ZC3H13: variants seen among roughly 807,000 people sequenced by gnomAD.
ZC3H13 encodes the protein zinc finger CCCH-type containing 13, also known as zinc finger CCCH domain-containing protein 13.
In ZC3H13, 64 loss-of-function variants were observed where a neutral mutation model predicts 204.1. The ratio of observed to expected loss-of-function variants is 0.31; its 90% CI spans 0.26 to 0.39. The LOEUF is 0.39. Ranked by LOEUF, ZC3H13 falls within the 10% of genes least tolerant of loss-of-function variation. The pLI, the probability that ZC3H13 is intolerant of heterozygous loss-of-function variation, is 1.00. For missense variants in ZC3H13, 1,833 were observed against 2,082.7 expected, an observed-to-expected ratio of 0.88 and a Z score of 2.33; for synonymous variants, 667 against 693.7, an observed-to-expected ratio of 0.96 and a Z score of 0.60.
At chr13:45,962,198 T>C (rs1951739840) in intron 17 of ZC3H13, 1 of 985,256 alleles carries the variant, frequency 1.0e-6, no homozygotes, top group South Asian at 4.7e-5. Context: ...CAAGACAAAG[T>C]CTTTATTCAA....
intron 4 of ZC3H13, 105 bp from the exon 5 acceptor site, chr13:46,020,662 A>C: frequency 1.3e-6 from 1 of 758,880 alleles, no homozygotes; most frequent in Non-Finnish European, 2.0e-6. Flanking sequence ...CTGTTTCATC[A>C]AAGAATCAGT....
intron 5 of ZC3H13, 152 bp from the exon 6 acceptor site, chr13:46,011,706 A>AT: frequency 4.1e-6 from 2 of 487,676 alleles, no homozygotes; most frequent in Non-Finnish European, 6.6e-6. Flanking sequence ...AGAAATAGAT[A>AT]CCATTTCTAT....
intron 8 of ZC3H13, among the ~76,000 whole-genome samples, chr13:45,993,422 G>A (rs969398465): frequency 3.3e-5 from 5 of 152,166 alleles, no homozygotes; most frequent in African/African-American, 7.2e-5. Flanking sequence ...TGAGGCAAGA[G>A]CTTTAGGATC....
At chr13:45,968,583 T>A (rs1952291097) in intron 14 of ZC3H13, among the ~76,000 whole-genome samples, 165 bp downstream of exon 14, 2 of 152,180 alleles carry the variant, frequency 1.3e-5, no homozygotes, top group Admixed American at 1.3e-4. Context: ...ATTAATGTGA[T>A]AACAGGTAAC....
rs1373509636 is a variant in ZC3H13 at position 45,962,652 on chromosome 13, C to T, written c.4675+1190G>A. 4 of 979,916 alleles carry T rather than the reference C, an allele frequency of 4.1e-6. No individual in the cohort carries two copies. The African/African-American group carries it at 5.3e-5, about 13-fold the overall frequency. 60.7% of individuals were successfully genotyped at this position (979,916 alleles called of 1,614,324 possible). A position where few individuals can be genotyped will look rare whatever the true frequency, so the allele number is the denominator to read the frequency against. On this transcript the variant is annotated intron_variant, in intron 17 of 18. Coordinates refer to ENST00000679008, the MANE Select transcript of ZC3H13 (RefSeq NM_001330564.2). Reference sequence around the variant, plus strand: ...GGCTATATTAAAATAAAAAAATTTACTGCTTATGCTAATAGAGTAAAGGAA... The same window carrying T: ...GGCTATATTAAAATAAAAAAATTTATTGCTTATGCTAATAGAGTAAAGGAA...
In ZC3H13 at chr13:45,994,993, C is replaced by T. The variant is rs553694743; in HGVS notation, c.945-5896G>A. ...GTCACAGGAGCCAAAATTCTTCTTACGGTCATTTAACTATCAGTGAAAAAA... is the reference window on the plus strand; with the variant it reads ...GTCACAGGAGCCAAAATTCTTCTTATGGTCATTTAACTATCAGTGAAAAAA... On this transcript the variant is annotated intron_variant, in intron 8 of 18. Transcript: ENST00000679008. Among the ~76,000 whole-genome samples the T allele has an allele frequency of 1.2e-4, 17 of 139,040 alleles. 2 individuals carry two copies. The South Asian group carries it at 2.9e-3, about 24-fold the overall frequency. The allele number at this position is 139,040 out of a possible 152,430, so 91.2% of individuals were successfully genotyped here.
intron 8 of ZC3H13, among the ~76,000 whole-genome samples, chr13:45,989,895 A>G (rs993969224): frequency 2.6e-5 from 4 of 152,256 alleles, no homozygotes; most frequent in African/African-American, 9.6e-5. Flanking sequence ...AATGTTTAAA[A>G]TATAATATTC....
chr13:45,989,068 G>C lies in ZC3H13; in HGVS notation c.974C>G (p.Ser325Cys), dbSNP rs781590044. The change falls in exon 9 of 19, where the codon TCT becomes TGT. Residue 325 changes from serine (S) to cysteine (C), a missense_variant. Coordinates refer to ENST00000679008, the MANE Select transcript of ZC3H13 (RefSeq NM_001330564.2). ...RSTSPAGQHHSPISSRHHSSS... is the reference protein window; with the variant it reads ...RSTSPAGQHHCPISSRHHSSS... ...TGAGTGATGTCTAGAAGATATAGGA[G>C]AATGATGCTGTCCTGCTGGGGAAGT... is the stretch of plus-strand genomic sequence containing the variant. 6.2e-7 allele frequency: 1 copy of C among 1,614,070 alleles called. No individual in the cohort carries two copies. Among genetic ancestry groups the C allele is most frequent in the Admixed American group, 1.7e-5 (1 of 60,022 alleles).
intron 4 of ZC3H13, among the ~76,000 whole-genome samples, chr13:46,041,132 T>G (rs2043552977): frequency 6.6e-6 from 1 of 152,070 alleles, no homozygotes; most frequent in Non-Finnish European, 1.5e-5. Flanking sequence ...ACATAAATGT[T>G]CATAGCAGCA....
chr13:45,978,423 T>C (rs1168958196), intron 11 of ZC3H13, among the ~76,000 whole-genome samples: 1 of 152,096 alleles, frequency 6.6e-6, no homozygotes, highest in East Asian at 1.9e-4. Flanking sequence ...AATAGAGAAC[T>C]GAACTTCTGG....
chr13:46,031,791 G>C (rs1329048408), intron 4 of ZC3H13, among the ~76,000 whole-genome samples: 3 of 152,314 alleles, frequency 2.0e-5, no homozygotes, highest in Middle Eastern at 3.4e-3. Flanking sequence ...ATGCTGGCAG[G>C]ATGTGGAGCA....
intron 17 of ZC3H13, chr13:45,963,009 G>C: frequency 1.0e-6 from 1 of 985,220 alleles, no homozygotes; most frequent in Non-Finnish European, 1.2e-6. Flanking sequence ...AAAAATCAGC[G>C]TGATAGGATA....
At chr13:46,005,704 G>A (rs919736279) in intron 7 of ZC3H13, among the ~76,000 whole-genome samples, 2 of 152,070 alleles carry the variant, frequency 1.3e-5, no homozygotes, top group Non-Finnish European at 2.9e-5. Flanking sequence ...ATCCAGGCTG[G>A]TCTCAAACTC....
Position 45,970,405 on chromosome 13 carries a change from T to C in ZC3H13, c.2529A>G (p.Glu843=). Residue 843 remains glutamate, a synonymous_variant, in exon 13 of 19, where the codon GAA becomes GAG. Transcript: ENST00000679008. ...TGTAGGCATCACTGTCCGGAGAATG[T>C]TCACGCCGGCGCTTCGGGGACTGTC... ...SPRQSPKRRR[E]HSPDSDAYNS... 6.2e-7 allele frequency: 1 copy of C among 1,613,972 alleles called. No homozygotes were observed. The highest frequency in any genetic ancestry group is 8.5e-7 in the Non-Finnish European group (1 of 1,179,872).
Position 45,955,809 on chromosome 13 carries a change from G to A in ZC3H13, c.*1318C>T, listed in dbSNP as rs1432035267. On this transcript the variant is annotated 3_prime_UTR_variant, in exon 19 of 19. Coordinates refer to ENST00000679008, the MANE Select transcript of ZC3H13 (RefSeq NM_001330564.2). ...AAAGTAAGACCATTTCCTTTGGCAGGTATCTTGTATAAAGTAACTTTACAA... is the reference window on the plus strand; with the variant it reads ...AAAGTAAGACCATTTCCTTTGGCAGATATCTTGTATAAAGTAACTTTACAA... The A allele has an allele frequency of 6.6e-6, 1 of 152,040 alleles. No individual in the cohort carries two copies. Among genetic ancestry groups the A allele is most frequent in the Non-Finnish European group, 1.5e-5 (1 of 67,974 alleles). The allele number at this position is 152,040 out of a possible 1,614,324, so 9.4% of individuals were successfully genotyped here. A position where few individuals can be genotyped will look rare whatever the true frequency, so the allele number is the denominator to read the frequency against.
In ZC3H13 at chr13:45,997,564, T is replaced by C. The variant is rs548084684; in HGVS notation, c.944+5575A>G. On this transcript the variant is annotated intron_variant, in intron 8 of 18. Coordinates refer to ENST00000679008, the MANE Select transcript of ZC3H13 (RefSeq NM_001330564.2). ...CACCTGATACAGAACGTTGGACAAC[T>C]GAGACACAATTATTATCTATTATGA... Among the ~76,000 whole-genome samples, 198 of 152,308 alleles carry C rather than the reference T, an allele frequency of 1.3e-3. 2 individuals are homozygous for C. The highest frequency in any genetic ancestry group is 3.7e-3 in the Admixed American group (57 of 15,300).
chr13:45,983,660 C>T (rs905016953), intron 10 of ZC3H13, among the ~76,000 whole-genome samples: 7 of 150,952 alleles, frequency 4.6e-5, no homozygotes, highest in Non-Finnish European at 5.9e-5. Flanking sequence ...ATCTCCTGAC[C>T]TCGTGATCCG....
chr13:45,962,377 A>G (rs1171906435), intron 17 of ZC3H13: 1 of 985,318 alleles, frequency 1.0e-6, no homozygotes, highest in East Asian at 1.1e-4. Context: ...ATCAAACCAG[A>G]TTTTAACTTG....
Position 46,020,016 on chromosome 13 carries a change from T to C in ZC3H13, c.448+433A>G, listed in dbSNP as rs183852743. Among the ~76,000 whole-genome samples, 10 of 152,334 alleles carry C rather than the reference T, an allele frequency of 6.6e-5. No individual in the cohort carries two copies. In the East Asian group the frequency reaches 1.7e-3, roughly 26 times the overall value. ...ATAAATCCAGGTCTCTATCTTAATCTGATTTTGATTTCTTCTGAAAGATAA... is the reference window on the plus strand; with the variant it reads ...ATAAATCCAGGTCTCTATCTTAATCCGATTTTGATTTCTTCTGAAAGATAA... On this transcript the variant is annotated intron_variant, in intron 5 of 18. Transcript: ENST00000679008.
Sources: gnomAD v4.1 joint callset for allele counts (sites outside exome capture counted in the v4.1 genomes callset) on GRCh38, gnomAD v4.1.1 for gene constraint, MANE v1.5 for transcripts, NCBI Gene and HGNC (gene_info 2026-07-23, HGNC 2026-07-21) for gene names.